RARB: variants seen among roughly 807,000 people sequenced by gnomAD.
RARB encodes the protein retinoic acid receptor beta, also known as HBV-activated protein.
A neutral mutation model predicts 51.9 loss-of-function variants in RARB; 17 were observed. The observed-to-expected ratio is 0.33, with a 90% CI of 0.22 to 0.49. The LOEUF (loss-of-function observed/expected upper bound fraction) is 0.49. RARB is among the 20% of genes least tolerant of loss of function. RARB has a pLI of 0.99. For missense variants in RARB, 369 were observed against 550.8 expected (o/e 0.67, Z 3.30); for synonymous variants, 215 against 195.4 (o/e 1.10, Z -0.84).
At position 24,998,628 on chromosome 3, in the gene RARB, A is replaced by G. The variant is rs570746865; in HGVS notation, c.-379-61497A>G. On this transcript the variant is annotated intron_variant, in intron 2 of 11. Transcript: ENST00000383772. ...ATCCTAAGGAGTTATGTCTAGTTCA[A>G]TATCCCTTATGTTTCTACAGGCTTC... Among the ~76,000 whole-genome samples, 8 of 152,118 alleles carry G rather than the reference A, an allele frequency of 5.3e-5. No individual in the cohort carries two copies. In the South Asian group the frequency reaches 6.2e-4, roughly 12 times the overall value.
intron 2 of RARB, among the ~76,000 whole-genome samples, chr3:25,019,912 A>G (rs943070905): frequency 3.3e-5 from 5 of 151,976 alleles, no homozygotes; most frequent in Admixed American, 6.6e-5. Flanking sequence ...AGAGACTCTC[A>G]ACTCTCAGCC....
chr3:24,835,164 T>A (rs1050624336), intron 1 of RARB, among the ~76,000 whole-genome samples: 1 of 152,216 alleles, frequency 6.6e-6, no homozygotes, highest in Non-Finnish European at 1.5e-5. Flanking sequence ...CCTTTTGTAC[T>A]TGGTGGTCTT....
chr3:25,363,985 A>C (rs1344820715), intron 5 of RARB, among the ~76,000 whole-genome samples: 1 of 152,068 alleles, frequency 6.6e-6, no homozygotes, highest in East Asian at 1.9e-4. Context: ...TCATTGCTCA[A>C]ACATCTTCTT....
At chr3:24,845,025 G>T (rs776799990) in intron 1 of RARB, among the ~76,000 whole-genome samples, 12 of 152,142 alleles carry the variant, frequency 7.9e-5, no homozygotes, top group Non-Finnish European at 1.5e-4. Context: ...AATCAAAGCT[G>T]TCATTTACCC....
intron 2 of RARB, among the ~76,000 whole-genome samples, chr3:24,887,899 T>C (rs985919839): frequency 7.2e-5 from 11 of 151,862 alleles, no homozygotes; most frequent in African/African-American, 2.7e-4. Context: ...GAGGGAGAGG[T>C]GGTGTGGTGG....
intron 5 of RARB, among the ~76,000 whole-genome samples, chr3:25,341,419 T>G (rs903933068): frequency 1.1e-4 from 17 of 152,148 alleles, no homozygotes; most frequent in African/African-American, 3.6e-4. Flanking sequence ...TTATTCAGGG[T>G]GAGAGCCAGA....
At chr3:25,365,712 A>C (rs1214687867) in intron 5 of RARB, among the ~76,000 whole-genome samples, 1 of 152,224 alleles carries the variant, frequency 6.6e-6, no homozygotes, top group Non-Finnish European at 1.5e-5. Context: ...GATAATTCAA[A>C]GGTTGAGATT....
intron 1 of RARB, among the ~76,000 whole-genome samples, chr3:24,857,852 G>T (rs1426092679): frequency 2.6e-5 from 4 of 152,208 alleles, no homozygotes; most frequent in Non-Finnish European, 5.9e-5. Flanking sequence ...CCTGAACCCA[G>T]GAGTTTGAAG....
At chr3:25,551,144 G>C (rs559308263) in intron 3 of RARB, among the ~76,000 whole-genome samples, 1 of 152,248 alleles carries the variant, frequency 6.6e-6, no homozygotes, top group Admixed American at 6.5e-5. Flanking sequence ...ATGGGAAGGA[G>C]AGGTTTTAAA....
intron 5 of RARB, among the ~76,000 whole-genome samples, chr3:25,190,258 G>A (rs1050912931): frequency 4.6e-5 from 7 of 152,010 alleles, no homozygotes; most frequent in African/African-American, 1.7e-4. Context: ...GTCAATGAGT[G>A]TACTCACATG....
At chr3:25,397,860 G>T (rs1360296356) in intron 5 of RARB, among the ~76,000 whole-genome samples, 1 of 146,058 alleles carries the variant, frequency 6.8e-6, no homozygotes, top group Non-Finnish European at 1.5e-5. Context: ...TATGTGATTT[G>T]TGAAAATGTA....
At chr3:25,120,085 G>A (rs1471353863) in intron 3 of RARB, among the ~76,000 whole-genome samples, 1 of 152,240 alleles carries the variant, frequency 6.6e-6, no homozygotes, top group South Asian at 2.1e-4. Context: ...CAGGAATAAA[G>A]TGTGCATGGG....
intron 2 of RARB, among the ~76,000 whole-genome samples, chr3:24,909,034 T>C (rs147300427): frequency 6.6e-6 from 1 of 152,258 alleles, no homozygotes; most frequent in Admixed American, 6.5e-5. Flanking sequence ...TATAACACAT[T>C]AGAAATGTTA....
intron 2 of RARB, among the ~76,000 whole-genome samples, chr3:25,483,987 G>A (rs747764647): frequency 6.6e-5 from 10 of 152,148 alleles, no homozygotes; most frequent in African/African-American, 9.7e-5. Flanking sequence ...ATTGCAGATG[G>A]TATGTTGGCA....
At chr3:24,948,651 A>G (rs1179119495) in intron 2 of RARB, among the ~76,000 whole-genome samples, 1 of 151,902 alleles carries the variant, frequency 6.6e-6, no homozygotes, top group East Asian at 1.9e-4. Context: ...TCCGAATCTC[A>G]TGTCGAGATG....
At chr3:25,243,185 T>C (rs2125397214) in intron 5 of RARB, among the ~76,000 whole-genome samples, 1 of 152,342 alleles carries the variant, frequency 6.6e-6, no homozygotes, top group Middle Eastern at 3.4e-3. Context: ...CTGAAGTTAC[T>C]TATCAGCTTA....
intron 4 of RARB, among the ~76,000 whole-genome samples, chr3:25,159,973 A>T (rs1700447789): frequency 6.6e-6 from 1 of 152,218 alleles, no homozygotes; most frequent in Non-Finnish European, 1.5e-5. Flanking sequence ...CTTGAAAACC[A>T]CAGGCTAATT....
At chr3:24,894,364 T>C (rs1703440984) in intron 2 of RARB, among the ~76,000 whole-genome samples, 1 of 148,160 alleles carries the variant, frequency 6.7e-6, no homozygotes, top group South Asian at 2.2e-4. Flanking sequence ...GAACATGCAA[T>C]ATTTAGTTTT....
At chr3:25,256,269 T>A (rs988270144) in intron 5 of RARB, among the ~76,000 whole-genome samples, 5 of 152,152 alleles carry the variant, frequency 3.3e-5, no homozygotes, top group Non-Finnish European at 5.9e-5. Flanking sequence ...AAAATTTTAA[T>A]CTCCATCAGA....
Sources: allele counts gnomAD v4.1 joint callset (sites outside exome capture counted in the v4.1 genomes callset), GRCh38; gene constraint gnomAD v4.1.1; transcripts MANE v1.5; gene names NCBI Gene and HGNC (gene_info 2026-07-23, HGNC 2026-07-21).